The following ZNF704 variants were observed in gnomAD, a reference collection of about 807,000 sequenced individuals.
ZNF704 encodes zinc finger protein 704, also known as glucocorticoid induced gene 1.
Under a neutral mutation model 44.7 loss-of-function variants are expected in ZNF704, and 10 were observed. That is an observed-to-expected ratio of 0.22 (90% CI 0.14 to 0.38). The LOEUF (loss-of-function observed/expected upper bound fraction) is 0.38. Among genes scored for constraint, ZNF704 ranks in the 10% least tolerant of loss-of-function variants. The pLI is 1.00. For synonymous variants in ZNF704, 211 were observed against 207.6 expected (o/e 1.02, Z -0.14); for missense variants, 390 against 545.5 (o/e 0.71, Z 2.84).
intron 2 of ZNF704, among the ~76,000 whole-genome samples, chr8:80,711,835 C>A (rs1818992115): frequency 6.6e-6 from 1 of 152,144 alleles, no homozygotes. Flanking sequence ...AAAGGGGAAG[C>A]AGTGAAGGTA....
At chr8:80,748,838 T>C (rs1806892273) in intron 2 of ZNF704, among the ~76,000 whole-genome samples, 1 of 152,314 alleles carries the variant, frequency 6.6e-6, no homozygotes, top group Non-Finnish European at 1.5e-5. Context: ...CTCCAGCTTC[T>C]AGGCCGCCTC....
chr8:80,642,896 C>T, intron 8 of ZNF704, 139 bp downstream of exon 8: 1 of 490,430 alleles, frequency 2.0e-6, no homozygotes, highest in East Asian at 3.6e-5. Context: ...TGGTAAAAAC[C>T]ATGGGAAAAA....
chr8:80,810,706 A>G (rs940009917), intron 2 of ZNF704, among the ~76,000 whole-genome samples: 1 of 152,240 alleles, frequency 6.6e-6, no homozygotes, highest in African/African-American at 2.4e-5. Context: ...CCTTTGATTT[A>G]GATGGAATTT....
rs897742192 is a variant in ZNF704 at position 80,634,945 on chromosome 8, T to A, written c.*6421A>T. ...TTGCAAGACGCCTCATCTCAAAGAC[T>A]AGGAGCCAAGCCTGTACATGGCTTT... On this transcript the variant is annotated 3_prime_UTR_variant, in exon 9 of 9. Coordinates refer to ENST00000327835, the MANE Select transcript of ZNF704 (RefSeq NM_001033723.3). 2.0e-5 allele frequency: 3 copies of A among 152,192 alleles called. No homozygotes were observed. Among genetic ancestry groups the A allele is most frequent in the Non-Finnish European group, 2.9e-5 (2 of 68,028 alleles). 9.4% of individuals were successfully genotyped at this position (152,192 alleles called of 1,614,324 possible). A position where few individuals can be genotyped will look rare whatever the true frequency, so the allele number is the denominator to read the frequency against.
intron 7 of ZNF704, among the ~76,000 whole-genome samples, chr8:80,652,687 AC>A (rs912982593): frequency 8.9e-4 from 136 of 152,138 alleles, no homozygotes; most frequent in Middle Eastern, 3.4e-3. Flanking sequence ...TAGCTTACCA[AC>A]CAAAAAAAGT....
At chr8:80,644,557 C>T (rs1817797302) in intron 7 of ZNF704, among the ~76,000 whole-genome samples, 1 of 152,084 alleles carries the variant, frequency 6.6e-6, no homozygotes, top group African/African-American at 2.4e-5. Context: ...CATAAATCCG[C>T]AAGTCACCAT....
chr8:80,841,152 C>G (rs989003786), intron 1 of ZNF704, among the ~76,000 whole-genome samples: 17 of 152,230 alleles, frequency 1.1e-4, no homozygotes, highest in African/African-American at 3.9e-4. Context: ...GCACCAGGAA[C>G]CTTTGCCACT....
chr8:80,818,367 T>C (rs946111292), intron 2 of ZNF704, among the ~76,000 whole-genome samples: 3 of 152,094 alleles, frequency 2.0e-5, no homozygotes, highest in African/African-American at 7.2e-5. Context: ...TTATAAGATA[T>C]GGATACAGAT....
At chr8:80,791,439 C>G (rs1212899476) in intron 2 of ZNF704, among the ~76,000 whole-genome samples, 1 of 152,140 alleles carries the variant, frequency 6.6e-6, no homozygotes, top group Non-Finnish European at 1.5e-5. Context: ...AATTATCAGA[C>G]CAGTGGGCAG....
Position 80,638,106 on chromosome 8 carries a change from T to A in ZNF704, c.*3260A>T, listed in dbSNP as rs1481948465. On this transcript the variant is annotated 3_prime_UTR_variant, in exon 9 of 9. Transcript: ENST00000327835. ...CCCTGACTCCCTTGCTACCTGTGTGTTTTCTCCAGGCTGTCACACTGCCTC... is the reference window on the plus strand; with the variant it reads ...CCCTGACTCCCTTGCTACCTGTGTGATTTCTCCAGGCTGTCACACTGCCTC... The A allele has an allele frequency of 1.3e-5, 2 of 152,370 alleles. No homozygotes were observed. Among genetic ancestry groups the A allele is most frequent in the African/African-American group, 4.8e-5 (2 of 41,414 alleles). 9.4% of individuals were successfully genotyped at this position (152,370 alleles called of 1,614,324 possible). A position where few individuals can be genotyped will look rare whatever the true frequency, so the allele number is the denominator to read the frequency against.
chr8:80,773,544 C>CCAA (rs762715412), intron 2 of ZNF704, among the ~76,000 whole-genome samples: 1 of 152,142 alleles, frequency 6.6e-6, no homozygotes. Context: ...CATGTTTTTG[C>CCAA]TTACCATGCT....
At chr8:80,754,873 T>C (rs1807008787) in intron 2 of ZNF704, among the ~76,000 whole-genome samples, 1 of 152,232 alleles carries the variant, frequency 6.6e-6, no homozygotes, top group African/African-American at 2.4e-5. Context: ...GCCAGAAATA[T>C]ATTAAAGACT....
rs1361126752 is a variant in ZNF704, at chr8:80,632,188, T to C, written c.*9178A>G. On this transcript the variant is annotated 3_prime_UTR_variant, in exon 9 of 9. Coordinates refer to ENST00000327835, the MANE Select transcript of ZNF704 (RefSeq NM_001033723.3). ...TTTTTCTGTTTAAAGGAAATTTCCT[T>C]CCTTAATGGTAGTCTCACCCCAGGT... 6.6e-6 allele frequency: 1 copy of C among 152,148 alleles called. No homozygotes were observed. The highest frequency in any genetic ancestry group is 1.5e-5 in the Non-Finnish European group (1 of 68,040). 9.4% of individuals were successfully genotyped at this position (152,148 alleles called of 1,614,324 possible).
chr8:80,705,465 G>A (rs117975637), intron 2 of ZNF704, among the ~76,000 whole-genome samples: 3,072 of 151,754 alleles, frequency 0.02, 46 homozygotes, highest in Middle Eastern at 0.034. Flanking sequence ...CTCTCTCTGT[G>A]TGCACAGCTA....
At chr8:80,845,040 G>A (rs1034989580) in intron 1 of ZNF704, among the ~76,000 whole-genome samples, 6 of 152,100 alleles carry the variant, frequency 3.9e-5, no homozygotes, top group African/African-American at 1.4e-4. Flanking sequence ...TTACCATGAA[G>A]TGATCTGAAT....
At chr8:80,752,130 A>G (rs561649478) in intron 2 of ZNF704, among the ~76,000 whole-genome samples, 21 of 152,360 alleles carry the variant, frequency 1.4e-4, no homozygotes, top group African/African-American at 4.8e-4. Context: ...TTTAGAACCA[A>G]CTATGGGCTG....
chr8:80,859,116 T>C (rs1809015600), intron 1 of ZNF704, among the ~76,000 whole-genome samples: 1 of 152,244 alleles, frequency 6.6e-6, no homozygotes, highest in South Asian at 2.1e-4. Flanking sequence ...GCTTCATATA[T>C]TTTGAAGCTT....
upstream of ZNF704, among the ~76,000 whole-genome samples, chr8:80,879,590 A>C (rs1350849590): frequency 6.6e-6 from 1 of 152,148 alleles, no homozygotes; most frequent in Non-Finnish European, 1.5e-5. Context: ...TGTTCCTAAC[A>C]ACATCACCCT....
intron 5 of ZNF704, among the ~76,000 whole-genome samples, chr8:80,668,971 A>T (rs990980524): frequency 4.6e-5 from 7 of 152,160 alleles, no homozygotes; most frequent in Non-Finnish European, 8.8e-5. Context: ...TATGAACCAT[A>T]ATTCACCAGG....
Sources: allele counts gnomAD v4.1 joint callset (sites outside exome capture counted in the v4.1 genomes callset), GRCh38; gene constraint gnomAD v4.1.1; transcripts MANE v1.5; gene names NCBI Gene and HGNC (gene_info 2026-07-23, HGNC 2026-07-21).